Variants in GDAP1 observed in about 807,000 individuals in gnomAD.
GDAP1 encodes the protein ganglioside-induced differentiation-associated protein 1.
Under a neutral mutation model 40.1 loss-of-function variants are expected in GDAP1, and 34 were observed. The ratio of observed to expected loss-of-function variants is 0.85; its 90% CI spans 0.64 to 1.13. The LOEUF is 1.13. GDAP1 is among the 50% of genes most tolerant of loss of function. The pLI is 0.00. For missense variants in GDAP1, 374 were observed against 433.7 expected (o/e 0.86, Z 1.22); for synonymous variants, 170 against 157.4 (o/e 1.08, Z -0.60).
chr8:74,435,497 A>C (rs1266616978), intron 2 of GDAP1, among the ~76,000 whole-genome samples: 1 of 152,230 alleles, frequency 6.6e-6, no homozygotes, highest in Non-Finnish European at 1.5e-5. Context: ...AATAAGAAGA[A>C]GCTTGAATAA....
intron 2 of GDAP1, among the ~76,000 whole-genome samples, chr8:74,432,547 G>C (rs951919701): frequency 1.3e-5 from 2 of 152,128 alleles, no homozygotes; most frequent in African/African-American, 2.4e-5. Flanking sequence ...CACTCTGCCT[G>C]TATCCCTATC....
chr8:74,482,125 G>T (rs936711073), intron 2 of GDAP1, among the ~76,000 whole-genome samples: 1 of 147,978 alleles, frequency 6.8e-6, no homozygotes, highest in Non-Finnish European at 1.5e-5. Context: ...TTTTTGGGGG[G>T]GGGGGGTCAT....
intron 2 of GDAP1, among the ~76,000 whole-genome samples, chr8:74,481,377 A>G (rs1032879568): frequency 6.6e-6 from 1 of 152,238 alleles, no homozygotes; most frequent in African/African-American, 2.4e-5. Context: ...GGTTACTAGT[A>G]TATAGACAAT....
intron 2 of GDAP1, among the ~76,000 whole-genome samples, chr8:74,372,940 T>C (rs1809780155): frequency 6.6e-6 from 1 of 152,216 alleles, no homozygotes; most frequent in Non-Finnish European, 1.5e-5. Context: ...AATTAATTTT[T>C]GTATAAGATG....
intron 2 of GDAP1, among the ~76,000 whole-genome samples, chr8:74,376,410 G>A (rs181642456): frequency 4.9e-4 from 73 of 148,918 alleles, no homozygotes; most frequent in Non-Finnish European, 7.7e-4. Flanking sequence ...GTGCAGTGGC[G>A]CGATCTTGGC....
chr8:74,439,012 G>T (rs1256040529), intron 2 of GDAP1, among the ~76,000 whole-genome samples: 1 of 147,598 alleles, frequency 6.8e-6, no homozygotes, highest in African/African-American at 2.5e-5. Context: ...TGACATACGT[G>T]TGTGTATGTG....
At chr8:74,373,553 CTGTT>C (rs1809793040) in intron 2 of GDAP1, among the ~76,000 whole-genome samples, 1 of 152,206 alleles carries the variant, frequency 6.6e-6, no homozygotes, top group Non-Finnish European at 1.5e-5. Context: ...ATTTGGCTCT[CTGTT>C]CGTCTGTTAT....
chr8:74,361,598 C>T (rs528294852), intron 3 of GDAP1, among the ~76,000 whole-genome samples: 213 of 152,142 alleles, frequency 1.4e-3, no homozygotes, highest in Admixed American at 2.5e-3. Context: ...GGTTTCACCA[C>T]GTTGGCCAAG....
At chr8:74,483,217 G>A (rs542994484) in intron 2 of GDAP1, among the ~76,000 whole-genome samples, 1 of 152,084 alleles carries the variant, frequency 6.6e-6, no homozygotes, top group Non-Finnish European at 1.5e-5. Context: ...TTGAGGAATA[G>A]AAAGAGTTAT....
intron 1 of GDAP1, 21 bp downstream of exon 1, chr8:74,350,599 G>A (rs771606825): frequency 6.3e-6 from 9 of 1,436,354 alleles, no homozygotes; most frequent in South Asian, 1.1e-5. Flanking sequence ...CCTTGGCGGC[G>A]GAGGGTGGCG....
chr8:74,368,629 G>A (rs1809699349), downstream of GDAP1, among the ~76,000 whole-genome samples: 1 of 152,156 alleles, frequency 6.6e-6, no homozygotes, highest in Non-Finnish European at 1.5e-5. Flanking sequence ...TAGAGATATT[G>A]GACATCAAGC....
chr8:74,428,452 T>G (rs1805980713), intron 2 of GDAP1, among the ~76,000 whole-genome samples: 1 of 151,118 alleles, frequency 6.6e-6, no homozygotes, highest in African/African-American at 2.4e-5. Flanking sequence ...ATCTCAGAAG[T>G]TTTTCTTGAT....
At chr8:74,469,914 C>T (rs971059425) in intron 2 of GDAP1, among the ~76,000 whole-genome samples, 3 of 151,976 alleles carry the variant, frequency 2.0e-5, no homozygotes, top group East Asian at 3.9e-4. Context: ...GTGGAGGTTG[C>T]AGTGAGCCAA....
intron 2 of GDAP1, among the ~76,000 whole-genome samples, chr8:74,389,189 A>G (rs1258106513): frequency 2.6e-5 from 4 of 152,034 alleles, no homozygotes; most frequent in African/African-American, 4.8e-5. Flanking sequence ...TTTAAGGATA[A>G]TATTGTTATG....
At chr8:74,442,268 A>G (rs1021994056) in intron 2 of GDAP1, among the ~76,000 whole-genome samples, 1 of 152,184 alleles carries the variant, frequency 6.6e-6, no homozygotes, top group Non-Finnish European at 1.5e-5. Flanking sequence ...ATAGCAACCC[A>G]TGTTTACTTC....
At chr8:74,351,176 AAC>A (rs1163232648) in intron 1 of GDAP1, 96 bp from the exon 2 acceptor site, 3 of 927,464 alleles carry the variant, frequency 3.2e-6, no homozygotes, top group Non-Finnish European at 5.4e-6. Flanking sequence ...AAATGTCGGT[AAC>A]ACAGGGAAGC....
rs1323353491 is a variant in GDAP1 at position 74,416,902 on chromosome 8, G to GT, written c.165+65592dup. ...TCCCAGCACTTTCCACTTATGAAAA[G>GT]TTTTTTTTTTTGTTTTTTTGTTTTT... is the stretch of plus-strand genomic sequence containing the variant. On this transcript the variant is annotated intron_variant, in intron 2 of 2. Coordinates refer to the GDAP1 transcript ENST00000523640. Among the ~76,000 whole-genome samples, 109 of 135,082 alleles carry GT rather than the reference G, an allele frequency of 8.1e-4. 2 individuals carry two copies. The highest frequency in any genetic ancestry group is 9.7e-4 in the Admixed American group (13 of 13,470). The allele number at this position is 135,082 out of a possible 152,430, so 88.6% of individuals were successfully genotyped here.
intron 2 of GDAP1, among the ~76,000 whole-genome samples, chr8:74,393,820 A>G (rs544922695): frequency 1.8e-4 from 27 of 152,218 alleles, no homozygotes; most frequent in Non-Finnish European, 2.5e-4. Flanking sequence ...ACATGTATCT[A>G]TGAATACTTT....
At chr8:74,362,568 A>T (rs915689009) in intron 4 of GDAP1, among the ~76,000 whole-genome samples, 1 of 152,080 alleles carries the variant, frequency 6.6e-6, no homozygotes, top group African/African-American at 2.4e-5. Context: ...CTTCACTCGG[A>T]CTTCTTACTC....
Sources: gnomAD v4.1 joint callset for allele counts (sites outside exome capture counted in the v4.1 genomes callset) on GRCh38, gnomAD v4.1.1 for gene constraint, MANE v1.5 for transcripts, NCBI Gene and HGNC (gene_info 2026-07-23, HGNC 2026-07-21) for gene names.